The following SLC24A2 variants were observed in gnomAD, a reference collection of about 807,000 sequenced individuals.
SLC24A2 encodes sodium/potassium/calcium exchanger 2.
In SLC24A2, 36 loss-of-function variants were observed where a neutral mutation model predicts 62.0. The observed-to-expected ratio is 0.58, with a 90% CI of 0.44 to 0.77. The LOEUF is 0.77. Among genes scored for constraint, SLC24A2 ranks in the 30% least tolerant of loss-of-function variants. The pLI is 0.00. For missense variants in SLC24A2, 846 were observed against 817.9 expected, an observed-to-expected ratio of 1.03 and a Z score of -0.42; for synonymous variants, 358 against 294.0, an observed-to-expected ratio of 1.22 and a Z score of -2.23.
At chr9:19,563,831 TCCCTCCCTCCCTCCCTC>T (rs1835534842) in intron 7 of SLC24A2, among the ~76,000 whole-genome samples, 3 of 67,720 alleles carry the variant, frequency 4.4e-5, no homozygotes, top group Admixed American at 1.6e-4. Flanking sequence ...CCTTCCTCCC[TCCCTCCCTCCCTCCCTC>T]CCTCCCTCCC....
At chr9:19,898,793 G>T in the SLC24A2 span, among the ~76,000 whole-genome samples, 9 of 150,882 alleles carry the variant, frequency 6.0e-5, no homozygotes, top group African/African-American at 2.2e-4. Flanking sequence ...GACAATGCTG[G>T]GCACAAAACA....
chr9:19,595,159 T>C (rs1208600284), intron 5 of SLC24A2, among the ~76,000 whole-genome samples: 5 of 152,204 alleles, frequency 3.3e-5, no homozygotes, highest in Non-Finnish European at 7.3e-5. Flanking sequence ...TACAATTTAT[T>C]ATATGCTGCA....
chr9:19,887,896 T>G, the SLC24A2 span, among the ~76,000 whole-genome samples: 9 of 152,206 alleles, frequency 5.9e-5, no homozygotes, highest in Middle Eastern at 3.4e-3. Context: ...GTGAAGTAAC[T>G]CAGGAATGGA....
chr9:19,801,640 A>G, the SLC24A2 span, among the ~76,000 whole-genome samples: 1 of 152,140 alleles, frequency 6.6e-6, no homozygotes, highest in African/African-American at 2.4e-5. Flanking sequence ...ATGATTGGCT[A>G]TTTCTTTACC....
the SLC24A2 span, among the ~76,000 whole-genome samples, chr9:20,229,506 T>A: frequency 6.6e-6 from 1 of 152,152 alleles, no homozygotes; most frequent in African/African-American, 2.4e-5. Context: ...CATAAAAGAC[T>A]ATTTCATTTA....
At chr9:19,593,356 A>G (rs1025357406) in intron 5 of SLC24A2, among the ~76,000 whole-genome samples, 1 of 152,160 alleles carries the variant, frequency 6.6e-6, no homozygotes, top group Non-Finnish European at 1.5e-5. Context: ...TGAATAAAAA[A>G]GTAGATAAAA....
the SLC24A2 span, among the ~76,000 whole-genome samples, chr9:20,295,041 T>C: frequency 6.9e-6 from 1 of 144,988 alleles, no homozygotes; most frequent in South Asian, 2.2e-4. Context: ...TATATGTATA[T>C]ATATATATAT....
chr9:20,096,877 C>A, the SLC24A2 span, among the ~76,000 whole-genome samples: 60 of 152,098 alleles, frequency 3.9e-4, no homozygotes, highest in Non-Finnish European at 2.8e-4. Context: ...GTAATTTTGG[C>A]TCTGTTACTG....
the SLC24A2 span, among the ~76,000 whole-genome samples, chr9:20,203,866 T>C: frequency 6.6e-6 from 1 of 152,200 alleles, no homozygotes; most frequent in Non-Finnish European, 1.5e-5. Flanking sequence ...AGCAGACCCA[T>C]AATGTTGCAT....
chr9:20,072,845 C>A, the SLC24A2 span, among the ~76,000 whole-genome samples: 2 of 152,100 alleles, frequency 1.3e-5, no homozygotes, highest in African/African-American at 4.8e-5. Context: ...GGAAGCAGAC[C>A]CGCTAATACA....
the SLC24A2 span, among the ~76,000 whole-genome samples, chr9:20,010,756 C>G: frequency 8.3e-6 from 1 of 120,654 alleles, no homozygotes; most frequent in African/African-American, 3.1e-5. Flanking sequence ...CTATCCCTCC[C>G]CCCTCCCCCC....
At chr9:19,570,019 C>G (rs1835791632) in intron 7 of SLC24A2, among the ~76,000 whole-genome samples, 1 of 152,234 alleles carries the variant, frequency 6.6e-6, no homozygotes, top group Non-Finnish European at 1.5e-5. Flanking sequence ...TTGTTTTGTT[C>G]ATGGCCTTTG....
chr9:19,838,254 A>T, the SLC24A2 span, among the ~76,000 whole-genome samples: 1 of 152,190 alleles, frequency 6.6e-6, no homozygotes, highest in Non-Finnish European at 1.5e-5. Context: ...GAGCCCTCAG[A>T]AATAATGCCA....
intron 4 of SLC24A2, among the ~76,000 whole-genome samples, chr9:19,607,864 A>G (rs915605280): frequency 1.3e-5 from 2 of 152,218 alleles, no homozygotes; most frequent in African/African-American, 4.8e-5. Flanking sequence ...GACAATTCAC[A>G]TTCCCTTATG....
At chr9:19,833,602 C>G in the SLC24A2 span, among the ~76,000 whole-genome samples, 1 of 152,162 alleles carries the variant, frequency 6.6e-6, no homozygotes, top group Non-Finnish European at 1.5e-5. Context: ...GTGGAGCCCA[C>G]CACAGCTCAA....
the SLC24A2 span, among the ~76,000 whole-genome samples, chr9:20,267,190 T>C: frequency 6.6e-6 from 1 of 152,164 alleles, no homozygotes; most frequent in Non-Finnish European, 1.5e-5. Context: ...CAACCTATAA[T>C]ATTTTAAGTG....
chr9:20,018,268 A>G, the SLC24A2 span, among the ~76,000 whole-genome samples: 1 of 152,160 alleles, frequency 6.6e-6, no homozygotes, highest in East Asian at 1.9e-4. Context: ...CTTAAATTCA[A>G]TCAAGTTGAC....
At chr9:19,738,555 C>T (rs1821577566) in intron 2 of SLC24A2, among the ~76,000 whole-genome samples, 2 of 151,964 alleles carry the variant, frequency 1.3e-5, no homozygotes, top group Non-Finnish European at 2.9e-5. Flanking sequence ...ATAAAGCTGT[C>T]ATAATATTCA....
chr9:20,278,790 ACT>A, the SLC24A2 span, among the ~76,000 whole-genome samples: 3 of 152,132 alleles, frequency 2.0e-5, no homozygotes, highest in Non-Finnish European at 2.9e-5. Flanking sequence ...TTCCAAAGTC[ACT>A]TTCACATTTT....
Sources: gnomAD v4.1 joint callset for allele counts (sites outside exome capture counted in the v4.1 genomes callset) on GRCh38, gnomAD v4.1.1 for gene constraint, MANE v1.5 for transcripts, NCBI Gene and HGNC (gene_info 2026-07-23, HGNC 2026-07-21) for gene names.